NKAIN3: variants seen among roughly 807,000 people sequenced by gnomAD.
The protein encoded by NKAIN3 is sodium/potassium transporting ATPase interacting 3, also known as sodium/potassium-transporting ATPase subunit beta-1-interacting protein 3.
Under a neutral mutation model 30.2 loss-of-function variants are expected in NKAIN3, and 25 were observed. The observed-to-expected ratio is 0.83, with a 90% CI of 0.60 to 1.16. The LOEUF (loss-of-function observed/expected upper bound fraction) is 1.16, where lower values mean the gene tolerates loss of function less well. Among genes scored for constraint, NKAIN3 ranks in the 50% most tolerant of loss-of-function variants. The pLI is 0.00. For missense variants in NKAIN3, 225 were observed against 254.1 expected (o/e 0.89, Z 0.78); for synonymous variants, 91 against 89.6 (o/e 1.02, Z -0.09).
intron 1 of NKAIN3, among the ~76,000 whole-genome samples, chr8:62,287,247 T>C (rs905983735): frequency 6.6e-5 from 10 of 151,982 alleles, no homozygotes; most frequent in South Asian, 2.1e-4. Context: ...AGTTCTAGTG[T>C]CCAGCAAAAA....
At chr8:62,435,175 T>C (rs1805130551) in intron 1 of NKAIN3, among the ~76,000 whole-genome samples, 1 of 152,138 alleles carries the variant, frequency 6.6e-6, no homozygotes, top group Admixed American at 6.6e-5. Flanking sequence ...CCCCCTGTTT[T>C]GCTGTCATTT....
chr8:62,903,305 A>T (rs961099083), intron 4 of NKAIN3, among the ~76,000 whole-genome samples: 7 of 152,206 alleles, frequency 4.6e-5, no homozygotes, highest in Non-Finnish European at 8.8e-5. Context: ...TCCATAGAAG[A>T]TGCAGCTCTA....
intron 1 of NKAIN3, among the ~76,000 whole-genome samples, chr8:62,385,679 C>T (rs1449482280): frequency 6.6e-6 from 1 of 152,090 alleles, no homozygotes; most frequent in Non-Finnish European, 1.5e-5. Context: ...TCATATTGTC[C>T]ATCTATATAG....
intron 5 of NKAIN3, among the ~76,000 whole-genome samples, chr8:62,929,561 A>C (rs1822556346): frequency 6.6e-6 from 1 of 152,230 alleles, no homozygotes; most frequent in South Asian, 2.1e-4. Context: ...GAGACAAGAA[A>C]GTTTCAGGGA....
At chr8:62,289,860 C>T (rs1454395957) in intron 1 of NKAIN3, among the ~76,000 whole-genome samples, 1 of 152,150 alleles carries the variant, frequency 6.6e-6, no homozygotes, top group African/African-American at 2.4e-5. Context: ...AATATTGATT[C>T]TTCCTATCCT....
At chr8:62,489,513 C>G (rs2129601478) in intron 1 of NKAIN3, among the ~76,000 whole-genome samples, 1 of 152,262 alleles carries the variant, frequency 6.6e-6, no homozygotes, top group African/African-American at 2.4e-5. Context: ...TCTTAAACTT[C>G]TCTATGCCTT....
intron 1 of NKAIN3, among the ~76,000 whole-genome samples, chr8:62,371,007 T>A (rs919720630): frequency 6.6e-6 from 1 of 152,010 alleles, no homozygotes; most frequent in Admixed American, 6.6e-5. Context: ...CATAAGCAGA[T>A]AAACATGGTA....
chr8:62,335,274 A>AT (rs1815503073), intron 1 of NKAIN3, among the ~76,000 whole-genome samples: 1 of 151,806 alleles, frequency 6.6e-6, no homozygotes, highest in Admixed American at 6.6e-5. Context: ...AAAAATACAA[A>AT]AATTAGCTGG....
chr8:62,516,333 C>A (rs1807980376), intron 1 of NKAIN3, among the ~76,000 whole-genome samples: 1 of 152,018 alleles, frequency 6.6e-6, no homozygotes, highest in African/African-American at 2.4e-5. Context: ...ATTAATGGTG[C>A]CAGCACTATC....
intron 1 of NKAIN3, among the ~76,000 whole-genome samples, chr8:62,343,190 T>C (rs1288290597): frequency 2.0e-5 from 3 of 152,014 alleles, no homozygotes; most frequent in East Asian, 1.9e-4. Flanking sequence ...GTGACATAGC[T>C]CCTGGGCTAC....
chr8:62,584,958 G>A (rs1210117648), intron 2 of NKAIN3, among the ~76,000 whole-genome samples: 1 of 152,182 alleles, frequency 6.6e-6, no homozygotes, highest in Non-Finnish European at 1.5e-5. Flanking sequence ...GCCAATTCCT[G>A]TATGTACAGA....
At chr8:62,778,202 G>C (rs1198728719) in intron 4 of NKAIN3, among the ~76,000 whole-genome samples, 1 of 151,954 alleles carries the variant, frequency 6.6e-6, no homozygotes. Flanking sequence ...ACCACATCCT[G>C]GCTACTGCCT....
intron 1 of NKAIN3, among the ~76,000 whole-genome samples, chr8:62,487,755 C>T (rs954200926): frequency 1.3e-5 from 2 of 152,102 alleles, no homozygotes; most frequent in African/African-American, 4.8e-5. Flanking sequence ...CCATTATCAC[C>T]ACACATCTTG....
chr8:62,866,417 C>T (rs1324930714), intron 4 of NKAIN3, among the ~76,000 whole-genome samples: 4 of 152,094 alleles, frequency 2.6e-5, no homozygotes, highest in African/African-American at 4.8e-5. Flanking sequence ...TTTTTATTGT[C>T]TTTCCATGAA....
At chr8:62,382,784 A>G (rs1817317094) in intron 1 of NKAIN3, among the ~76,000 whole-genome samples, 1 of 152,014 alleles carries the variant, frequency 6.6e-6, no homozygotes, top group Non-Finnish European at 1.5e-5. Flanking sequence ...AATTTCTCCG[A>G]TATCTATATT....
intron 1 of NKAIN3, among the ~76,000 whole-genome samples, chr8:62,517,313 C>T (rs1353285591): frequency 6.6e-6 from 1 of 152,022 alleles, no homozygotes; most frequent in African/African-American, 2.4e-5. Flanking sequence ...CAAATATCAC[C>T]AAACTCTGAA....
At chr8:62,407,894 G>A (rs1166586303) in intron 1 of NKAIN3, among the ~76,000 whole-genome samples, 1 of 152,146 alleles carries the variant, frequency 6.6e-6, no homozygotes, top group Non-Finnish European at 1.5e-5. Flanking sequence ...GGTCTATGTG[G>A]TGGCACGTGT....
intron 1 of NKAIN3, among the ~76,000 whole-genome samples, chr8:62,510,596 TGAGAAAGAA>T (rs1465725885): frequency 6.6e-6 from 1 of 151,084 alleles, no homozygotes; most frequent in Non-Finnish European, 1.5e-5. Context: ...AAAGGAAAGA[TGAGAAAGAA>T]GAGGAAGAGG....
intron 1 of NKAIN3, among the ~76,000 whole-genome samples, chr8:62,525,862 T>C (rs1041292272): frequency 2.0e-5 from 3 of 152,162 alleles, no homozygotes; most frequent in Non-Finnish European, 2.9e-5. Context: ...GTTTCAAAAA[T>C]TGGAGTTAAG....
Sources: allele counts gnomAD v4.1 joint callset (sites outside exome capture counted in the v4.1 genomes callset), GRCh38; gene constraint gnomAD v4.1.1; transcripts MANE v1.5; gene names NCBI Gene and HGNC (gene_info 2026-07-23, HGNC 2026-07-21).